The following MVB12B variants were observed in gnomAD, a reference collection of about 807,000 sequenced individuals.
MVB12B encodes ESCRT-I complex subunit MVB12B.
MVB12B carries 16 observed loss-of-function variants against 41.6 expected under a neutral mutation model. The ratio of observed to expected loss-of-function variants is 0.38; its 90% CI spans 0.26 to 0.58. MVB12B has a LOEUF of 0.58. MVB12B is among the 20% of genes least tolerant of loss of function. MVB12B has a pLI of 0.62. For missense variants in MVB12B, 274 were observed against 380.2 expected (o/e 0.72, Z 2.32); for synonymous variants, 133 against 139.7 (o/e 0.95, Z 0.34).
chr9:126,454,144 T>C (rs1832934285), intron 7 of MVB12B, among the ~76,000 whole-genome samples: 1 of 152,242 alleles, frequency 6.6e-6, no homozygotes, highest in Non-Finnish European at 1.5e-5. Context: ...TCTTTTATTT[T>C]CAAACTTCAA....
intron 2 of MVB12B, among the ~76,000 whole-genome samples, chr9:126,360,431 G>A (rs1829997978): frequency 6.6e-6 from 1 of 152,114 alleles, no homozygotes; most frequent in Non-Finnish European, 1.5e-5. Context: ...TTTATAATCT[G>A]TACACAAACA....
At chr9:126,420,013 C>G (rs72758758) in intron 6 of MVB12B, among the ~76,000 whole-genome samples, 1 of 152,204 alleles carries the variant, frequency 6.6e-6, no homozygotes, top group Non-Finnish European at 1.5e-5. Context: ...CTGCTTCCGA[C>G]GTGTGCCCTA....
At chr9:126,331,155 A>G (rs1358467297) in intron 1 of MVB12B, among the ~76,000 whole-genome samples, 1 of 152,164 alleles carries the variant, frequency 6.6e-6, no homozygotes, top group African/African-American at 2.4e-5. Flanking sequence ...TGGTAATTCT[A>G]TTTATAATTT....
At position 126,503,313 on chromosome 9, in the gene MVB12B, G is replaced by A. The variant is rs747495091; in HGVS notation, c.*50G>A. 2.5e-5 allele frequency: 36 copies of A among 1,461,016 alleles called. No homozygotes were observed. Among genetic ancestry groups the A allele is most frequent in the Admixed American group, 1.0e-4 (5 of 50,062 alleles). The allele number at this position is 1,461,016 out of a possible 1,614,324, so 90.5% of individuals were successfully genotyped here. A position where few individuals can be genotyped will look rare whatever the true frequency, so the allele number is the denominator to read the frequency against. ...GACCACCGCCGCCCAGACTACTGAC[G>A]GCAGGGGCTGCTGCCCCCGCCTCCT... On this transcript the variant is annotated 3_prime_UTR_variant, in exon 10 of 10. Coordinates refer to ENST00000361171, the MANE Select transcript of MVB12B (RefSeq NM_033446.3).
chr9:126,385,370 A>C (rs1221592995), intron 3 of MVB12B, among the ~76,000 whole-genome samples: 2 of 152,216 alleles, frequency 1.3e-5, no homozygotes, highest in African/African-American at 2.4e-5. Flanking sequence ...GAGTGCCAAG[A>C]GGGAACATAA....
chr9:126,374,200 C>T (rs991491918), intron 2 of MVB12B, among the ~76,000 whole-genome samples: 5 of 152,350 alleles, frequency 3.3e-5, no homozygotes, highest in Middle Eastern at 6.8e-3. Context: ...TTACCAGGCT[C>T]CAGTTACAGA....
intron 6 of MVB12B, chr9:126,397,492 TTTTG>T: frequency 1.0e-5 from 10 of 985,474 alleles, no homozygotes; most frequent in Non-Finnish European, 1.2e-5. Context: ...ATCGGATCAG[TTTTG>T]TTTTACTTGC....
In MVB12B at chr9:126,506,934, T is replaced by G. The variant is rs895852963; in HGVS notation, c.*3671T>G. ...AGACCCTTAGGGATGACGTCCCCGC[T>G]GCATATTTATTCAAGGTGACTCTTG... is the stretch of plus-strand genomic sequence containing the variant. On this transcript the variant is annotated 3_prime_UTR_variant, in exon 10 of 10. Transcript: ENST00000361171. 2.0e-5 allele frequency: 3 copies of G among 152,686 alleles called. No homozygotes were observed. The highest frequency in any genetic ancestry group is 2.0e-4 in the Admixed American group (3 of 15,290). 9.5% of individuals were successfully genotyped at this position (152,686 alleles called of 1,614,324 possible).
intron 6 of MVB12B, among the ~76,000 whole-genome samples, chr9:126,409,484 G>C (rs1054853526): frequency 7.9e-5 from 12 of 151,946 alleles, no homozygotes; most frequent in Non-Finnish European, 1.6e-4. Flanking sequence ...ATTAAATTGG[G>C]GGGGGACACA....
chr9:126,463,821 T>G (rs1430559810), intron 7 of MVB12B, among the ~76,000 whole-genome samples: 1 of 152,220 alleles, frequency 6.6e-6, no homozygotes, highest in African/African-American at 2.4e-5. Flanking sequence ...TTATACCATT[T>G]TTTTTAACCT....
chr9:126,472,963 A>T (rs79784375), intron 7 of MVB12B, among the ~76,000 whole-genome samples: 3,613 of 149,634 alleles, frequency 0.024, 144 homozygotes, highest in African/African-American at 0.086. Flanking sequence ...CACCAAAAAT[A>T]AAAAAAAAAT....
At chr9:126,330,710 CT>C (rs1829106702) in intron 1 of MVB12B, among the ~76,000 whole-genome samples, 1 of 152,164 alleles carries the variant, frequency 6.6e-6, no homozygotes. Flanking sequence ...AGCTCCAGAA[CT>C]TTTCATCTTG....
In MVB12B at chr9:126,457,729, G is replaced by A. The variant is rs181692690; in HGVS notation, c.758-23640G>A. On this transcript the variant is annotated intron_variant, in intron 7 of 9. Coordinates refer to ENST00000361171, the MANE Select transcript of MVB12B (RefSeq NM_033446.3). ...GTTGAGACTGAATGAAAATAGGGACGCGTCGCCTGTCGTTCTACTGAGGGA... is the reference window on the plus strand; with the variant it reads ...GTTGAGACTGAATGAAAATAGGGACACGTCGCCTGTCGTTCTACTGAGGGA... Among the ~76,000 whole-genome samples, 12 of 152,150 alleles carry A rather than the reference G, an allele frequency of 7.9e-5. No homozygotes were observed. In the East Asian group the frequency reaches 1.4e-3, roughly 17 times the overall value.
chr9:126,489,935 C>T (rs1176940267), intron 9 of MVB12B, among the ~76,000 whole-genome samples: 4 of 152,312 alleles, frequency 2.6e-5, no homozygotes, highest in African/African-American at 9.6e-5. Flanking sequence ...TGTCCCCTCC[C>T]CTCCAGTTTG....
At chr9:126,479,601 C>T (rs914339697) in intron 7 of MVB12B, among the ~76,000 whole-genome samples, 28 of 152,160 alleles carry the variant, frequency 1.8e-4, no homozygotes, top group African/African-American at 3.6e-4. Flanking sequence ...GTTGCCTGTT[C>T]GGGACTTTTG....
chr9:126,502,371 G>T (rs1833975632), intron 9 of MVB12B, among the ~76,000 whole-genome samples: 1 of 152,084 alleles, frequency 6.6e-6, no homozygotes, highest in Admixed American at 6.5e-5. Flanking sequence ...TGAACTACAG[G>T]TGCTCCTAGC....
intron 1 of MVB12B, among the ~76,000 whole-genome samples, chr9:126,331,819 G>A (rs1391524002): frequency 6.6e-6 from 1 of 152,192 alleles, no homozygotes; most frequent in Non-Finnish European, 1.5e-5. Context: ...AGAGCTAATA[G>A]CATAAGGAGG....
chr9:126,440,639 A>C (rs984287168), intron 7 of MVB12B, among the ~76,000 whole-genome samples: 4 of 152,136 alleles, frequency 2.6e-5, no homozygotes, highest in Non-Finnish European at 5.9e-5. Flanking sequence ...AACGTGTAGC[A>C]AAAAAAATCT....
At chr9:126,410,766 CCA>C in intron 6 of MVB12B, among the ~76,000 whole-genome samples, 1 of 152,262 alleles carries the variant, frequency 6.6e-6, no homozygotes, top group East Asian at 1.9e-4. Flanking sequence ...TTCTCCCCAG[CCA>C]CAGTCTTTTC....
Sources: gnomAD v4.1 joint callset for allele counts (sites outside exome capture counted in the v4.1 genomes callset) on GRCh38, gnomAD v4.1.1 for gene constraint, MANE v1.5 for transcripts, NCBI Gene and HGNC (gene_info 2026-07-23, HGNC 2026-07-21) for gene names.